Variants in SLC25A21 observed in about 807,000 individuals in gnomAD.
SLC25A21 encodes the protein solute carrier family 25 member 21, also known as mitochondrial 2-oxodicarboxylate carrier.
A neutral mutation model predicts 43.8 loss-of-function variants in SLC25A21; 47 were observed. The ratio of observed to expected loss-of-function variants is 1.07; its 90% CI spans 0.85 to 1.37. The LOEUF is 1.37. Among genes scored for constraint, SLC25A21 ranks in the 40% most tolerant of loss-of-function variants. The pLI is 0.00. For synonymous variants in SLC25A21, 131 were observed against 121.3 expected (o/e 1.08, Z -0.52); for missense variants, 352 against 350.2 (o/e 1.00, Z -0.04).
At chr14:36,811,189 C>T (rs898453287) in intron 3 of SLC25A21, among the ~76,000 whole-genome samples, 1 of 152,094 alleles carries the variant, frequency 6.6e-6, no homozygotes, top group African/African-American at 2.4e-5. Context: ...AACTCCATAC[C>T]ATGAGGTATA....
intron 7 of SLC25A21, among the ~76,000 whole-genome samples, chr14:36,694,126 T>G (rs1191436249): frequency 6.6e-6 from 1 of 151,004 alleles, no homozygotes; most frequent in Non-Finnish European, 1.5e-5. Context: ...AGTGATCTCA[T>G]TGTTCAATTC....
At chr14:36,705,122 G>A (rs1594506671) in intron 7 of SLC25A21, among the ~76,000 whole-genome samples, 1 of 152,036 alleles carries the variant, frequency 6.6e-6, no homozygotes, top group African/African-American at 2.4e-5. Context: ...CTCACTGCAA[G>A]CTCCGCCTCC....
chr14:36,787,224 G>A (rs111475434), intron 3 of SLC25A21, among the ~76,000 whole-genome samples: 1 of 152,070 alleles, frequency 6.6e-6, no homozygotes, highest in African/African-American at 2.4e-5. Context: ...AGATAGAGTC[G>A]GTAAAATGGC....
chr14:37,065,117 T>C (rs933537315), intron 1 of SLC25A21, among the ~76,000 whole-genome samples: 9 of 152,108 alleles, frequency 5.9e-5, no homozygotes, highest in Admixed American at 3.9e-4. Context: ...GTAGGAATAA[T>C]CTATGGTACT....
intron 2 of SLC25A21, among the ~76,000 whole-genome samples, chr14:36,844,677 C>A (rs1041585776): frequency 2.6e-5 from 4 of 152,152 alleles, no homozygotes; most frequent in African/African-American, 9.7e-5. Context: ...GAGCTGAGAC[C>A]AGGCTGTGAA....
chr14:37,005,701 C>G (rs181366592), intron 1 of SLC25A21, among the ~76,000 whole-genome samples: 2 of 151,792 alleles, frequency 1.3e-5, no homozygotes, highest in African/African-American at 4.8e-5. Context: ...CACACACACA[C>G]GATGTGATTC....
chr14:37,138,330 A>G (rs1963517582), intron 1 of SLC25A21, among the ~76,000 whole-genome samples: 1 of 152,212 alleles, frequency 6.6e-6, no homozygotes, highest in Non-Finnish European at 1.5e-5. Context: ...CATTTAAGGG[A>G]GTCATATTCA....
At chr14:37,001,208 A>G (rs979612849) in intron 1 of SLC25A21, among the ~76,000 whole-genome samples, 1 of 152,240 alleles carries the variant, frequency 6.6e-6, no homozygotes, top group African/African-American at 2.4e-5. Context: ...TAGCTTCAGC[A>G]CATAGAATTG....
At chr14:37,026,136 T>C (rs1961088585) in intron 1 of SLC25A21, among the ~76,000 whole-genome samples, 1 of 152,188 alleles carries the variant, frequency 6.6e-6, no homozygotes, top group Admixed American at 6.6e-5. Context: ...ACTACTAACA[T>C]ATAAGATGCA....
chr14:36,699,208 T>C (rs1226356936), intron 7 of SLC25A21, among the ~76,000 whole-genome samples: 3 of 152,014 alleles, frequency 2.0e-5, no homozygotes, highest in African/African-American at 7.2e-5. Context: ...TCTGTTGGAG[T>C]TTGCTGGAGG....
At chr14:36,793,145 C>T (rs985583054) in intron 3 of SLC25A21, among the ~76,000 whole-genome samples, 34 of 152,214 alleles carry the variant, frequency 2.2e-4, no homozygotes, top group African/African-American at 7.5e-4. Flanking sequence ...AAGCTAAAAG[C>T]TCTGACTACA....
chr14:37,043,943 T>TTTTTG (rs1555343745), intron 1 of SLC25A21, among the ~76,000 whole-genome samples: 1 of 149,774 alleles, frequency 6.7e-6, no homozygotes, highest in African/African-American at 2.4e-5. Flanking sequence ...TTTTTTTGTT[T>TTTTTG]TTTTTTTTTT....
Position 36,709,565 on chromosome 14 carries a change from C to G in SLC25A21, c.603+1753G>C, listed in dbSNP as rs1008748852. 4.6e-5 allele frequency among the ~76,000 whole-genome samples: 7 copies of G among 152,238 alleles called. No individual in the cohort carries two copies. The East Asian group carries it at 9.6e-4, about 21-fold the overall frequency. ...ATACACTGTGGCCAATCAAGGATTT[C>G]AGACCAAAAAAACATAAGCTTCTAC... On this transcript the variant is annotated intron_variant, in intron 7 of 9. Coordinates refer to ENST00000331299, the MANE Select transcript of SLC25A21 (RefSeq NM_030631.4).
intron 1 of SLC25A21, among the ~76,000 whole-genome samples, chr14:37,048,216 CCGCCTCCTGAGAATTCAGGAGAA>C (rs1311992974): frequency 6.6e-6 from 1 of 152,120 alleles, no homozygotes; most frequent in Non-Finnish European, 1.5e-5. Flanking sequence ...AGAAAAAATG[CCGCCTCCTGAGAATTCAGGAGAA>C]CAGTAACACA....
At chr14:36,838,004 G>A (rs1446243697) in intron 2 of SLC25A21, among the ~76,000 whole-genome samples, 3 of 152,188 alleles carry the variant, frequency 2.0e-5, no homozygotes, top group Non-Finnish European at 1.5e-5. Context: ...TATAGCTACA[G>A]GTTTGCTGCA....
intron 2 of SLC25A21, among the ~76,000 whole-genome samples, chr14:36,865,165 C>T (rs1890179391): frequency 6.6e-6 from 1 of 152,038 alleles, no homozygotes. Flanking sequence ...GCTGTTTCCC[C>T]TCCTCCCTGC....
At chr14:36,718,815 T>C (rs1237255605) in intron 6 of SLC25A21, among the ~76,000 whole-genome samples, 5 of 152,228 alleles carry the variant, frequency 3.3e-5, no homozygotes, top group Admixed American at 6.5e-5. Context: ...TATCTGTTTG[T>C]TGATCCTTAA....
chr14:36,826,299 A>G (rs927344547), intron 2 of SLC25A21, among the ~76,000 whole-genome samples: 1 of 152,190 alleles, frequency 6.6e-6, no homozygotes, highest in Non-Finnish European at 1.5e-5. Flanking sequence ...GTTCTCCTGC[A>G]GTGTTCTCCT....
intron 2 of SLC25A21, among the ~76,000 whole-genome samples, chr14:36,854,107 T>C (rs1181974494): frequency 2.6e-5 from 4 of 152,220 alleles, no homozygotes; most frequent in African/African-American, 9.6e-5. Context: ...CTACAGAATA[T>C]CTATTTGATA....
Sources: gnomAD v4.1 joint callset for allele counts (sites outside exome capture counted in the v4.1 genomes callset) on GRCh38, gnomAD v4.1.1 for gene constraint, MANE v1.5 for transcripts, NCBI Gene and HGNC (gene_info 2026-07-23, HGNC 2026-07-21) for gene names.